FOXP1: variants seen among roughly 807,000 people sequenced by gnomAD.
The protein encoded by FOXP1 is forkhead box protein P1.
A neutral mutation model predicts 98.2 loss-of-function variants in FOXP1; 15 were observed. That is an observed-to-expected ratio of 0.15 (90% CI 0.10 to 0.24). FOXP1 has a LOEUF of 0.24. Among genes scored for constraint, FOXP1 ranks in the 10% least tolerant of loss-of-function variants. The pLI is 1.00. For missense variants in FOXP1, 633 were observed against 848.5 expected, an observed-to-expected ratio of 0.75 and a Z score of 3.15; for synonymous variants, 371 against 314.5, an observed-to-expected ratio of 1.18 and a Z score of -1.90.
At chr3:71,157,694 G>A (rs917202673) in intron 6 of FOXP1, among the ~76,000 whole-genome samples, 7 of 152,080 alleles carry the variant, frequency 4.6e-5, no homozygotes, top group African/African-American at 1.7e-4. Flanking sequence ...TTCTTTTCTG[G>A]CCTTTCATGA....
Position 71,301,722 on chromosome 3 carries a change from T to A in FOXP1, c.-72-1842A>T, listed in dbSNP as rs182144337. On this transcript the variant is annotated intron_variant, in intron 4 of 20. Coordinates refer to ENST00000649528, the MANE Select transcript of FOXP1 (RefSeq NM_001349338.3). ...GGACCTCATTAAAATTTAATTTTTT[T>A]AAAAAACTGCTGAAAATGCCTCCTT... is the stretch of plus-strand genomic sequence containing the variant. Among the ~76,000 whole-genome samples, 327 of 152,282 alleles carry A rather than the reference T, an allele frequency of 2.1e-3. 2 individuals carry two copies. Among genetic ancestry groups the A allele is most frequent in the African/African-American group, 6.5e-3 (269 of 41,544 alleles).
At position 71,091,519 on chromosome 3, in the gene FOXP1, C is replaced by CA. The variant is rs199911557; in HGVS notation, c.282+21016dup. Among the ~76,000 whole-genome samples, 19 of 142,900 alleles carry CA rather than the reference C, an allele frequency of 1.3e-4. No individual in the cohort carries two copies. In the East Asian group the frequency reaches 1.4e-3, roughly 10 times the overall value. 93.7% of individuals were successfully genotyped at this position (142,900 alleles called of 152,430 possible). ...CAAAACAAAACAAAACAAAACAAAA[C>CA]AAACAAACAAAAAAAAAACTGAGCT... On this transcript the variant is annotated intron_variant, in intron 7 of 20. Transcript: ENST00000649528.
intron 2 of FOXP1, among the ~76,000 whole-genome samples, chr3:71,579,877 T>TA (rs933430015): frequency 3.2e-4 from 49 of 151,934 alleles, no homozygotes; most frequent in Middle Eastern, 3.4e-3. Flanking sequence ...AAGGATACAT[T>TA]AAAAAAAATA....
chr3:71,278,189 T>TAA (rs2071118223), intron 5 of FOXP1, among the ~76,000 whole-genome samples: 1 of 152,194 alleles, frequency 6.6e-6, no homozygotes, highest in African/African-American at 2.4e-5. Flanking sequence ...ATAAAGGCAT[T>TAA]AAGCAGGGCC....
intron 10 of FOXP1, among the ~76,000 whole-genome samples, chr3:71,045,571 T>C (rs1217288954): frequency 1.3e-5 from 2 of 152,166 alleles, no homozygotes; most frequent in Non-Finnish European, 2.9e-5. Context: ...CTTTTCTCCT[T>C]GTATTGCTCA....
chr3:71,347,094 G>A (rs146151335), intron 4 of FOXP1, among the ~76,000 whole-genome samples: 156 of 152,256 alleles, frequency 1.0e-3, no homozygotes, highest in South Asian at 2.7e-3. Flanking sequence ...GTCCCAGACC[G>A]CATCTTTCTC....
chr3:70,965,041 T>C (rs894627373), intron 20 of FOXP1, among the ~76,000 whole-genome samples: 1 of 152,162 alleles, frequency 6.6e-6, no homozygotes. Context: ...AAACACGAAA[T>C]GGGTTAGTAC....
chr3:71,104,138 T>A (rs566061037), intron 7 of FOXP1, among the ~76,000 whole-genome samples: 1 of 152,180 alleles, frequency 6.6e-6, no homozygotes, highest in South Asian at 2.1e-4. Flanking sequence ...TCGTCTATAC[T>A]CCCATTGCAC....
intron 2 of FOXP1, among the ~76,000 whole-genome samples, chr3:71,518,694 A>AGAGGCCT (rs2042755743): frequency 6.6e-6 from 1 of 152,242 alleles, no homozygotes; most frequent in African/African-American, 2.4e-5. Context: ...TGCTTGCAAG[A>AGAGGCCT]GAGGCCTTGT....
At chr3:71,512,053 T>G (rs954997971) in intron 2 of FOXP1, among the ~76,000 whole-genome samples, 1 of 152,180 alleles carries the variant, frequency 6.6e-6, no homozygotes, top group Admixed American at 6.5e-5. Context: ...ATTTTCCCAT[T>G]TGGTTCCTCA....
chr3:71,536,139 C>T lies in FOXP1; in HGVS notation c.-297-42584G>A, dbSNP rs1202043452. Among the ~76,000 whole-genome samples, 3 of 152,104 alleles carry T rather than the reference C, an allele frequency of 2.0e-5. No individual in the cohort carries two copies. In the East Asian group the frequency reaches 5.8e-4, roughly 29 times the overall value. On this transcript the variant is annotated intron_variant, in intron 2 of 20. Coordinates refer to ENST00000649528, the MANE Select transcript of FOXP1 (RefSeq NM_001349338.3). The stretch of plus-strand genomic sequence containing the variant: ...ACACAGAGAGAAGGTGCCTCATGTC[C>T]TGAAGGATTCCAGTTTTCAATTTCA...
At chr3:70,962,928 A>G (rs892658932) in intron 20 of FOXP1, among the ~76,000 whole-genome samples, 1 of 152,226 alleles carries the variant, frequency 6.6e-6, no homozygotes, top group Non-Finnish European at 1.5e-5. Flanking sequence ...CCCACAAAAC[A>G]CAGTTCACAA....
intron 14 of FOXP1, among the ~76,000 whole-genome samples, chr3:70,984,938 G>A (rs940433868): frequency 3.9e-5 from 6 of 152,148 alleles, no homozygotes; most frequent in Non-Finnish European, 7.4e-5. Flanking sequence ...ATCTAAGAAC[G>A]TTTTAGCAGT....
chr3:70,984,764 A>G (rs958993444), intron 14 of FOXP1, among the ~76,000 whole-genome samples: 1 of 152,120 alleles, frequency 6.6e-6, no homozygotes, highest in African/African-American at 2.4e-5. Context: ...GAGGGATGGG[A>G]AGCCCGTGAG....
intron 11 of FOXP1, among the ~76,000 whole-genome samples, chr3:71,035,128 G>T (rs1003333045): frequency 6.6e-6 from 1 of 152,174 alleles, no homozygotes; most frequent in Non-Finnish European, 1.5e-5. Context: ...TCTGGGGCAG[G>T]GCCAGAGACT....
At chr3:70,970,921 C>G (rs2036095566) in intron 18 of FOXP1, 116 bp from the exon 19 acceptor site, 1 of 794,092 alleles carries the variant, frequency 1.3e-6, no homozygotes, top group Non-Finnish European at 2.2e-6. Flanking sequence ...CCCCCACTAG[C>G]AAAACCCAAG....
Position 71,198,343 on chromosome 3 carries a change from A to G in FOXP1, c.39T>C (p.Gly13=). The change falls in exon 6 of 21, where the codon GGT becomes GGC. Residue 13 remains glycine, a synonymous_variant. Transcript: ENST00000649528. ...QESGTETKSN[G]SAIQNGSGGS... The stretch of plus-strand genomic sequence containing the variant: ...CGCCCGACCCATTCTGGATGGCTGA[A>G]CCGTTACTTTTTGTCTCAGTCCCAG... 6.5e-7 allele frequency: 1 copy of G among 1,544,906 alleles called. No homozygotes were observed. Among genetic ancestry groups the G allele is most frequent in the African/African-American group, 1.4e-5 (1 of 70,466 alleles).
At chr3:70,990,786 A>G (rs2107522454) in intron 13 of FOXP1, among the ~76,000 whole-genome samples, 1 of 152,326 alleles carries the variant, frequency 6.6e-6, no homozygotes, top group Non-Finnish European at 1.5e-5. Context: ...ATTTTAATCT[A>G]CTGAATTTGT....
intron 2 of FOXP1, among the ~76,000 whole-genome samples, chr3:71,508,261 T>C (rs1176762373): frequency 6.6e-6 from 1 of 152,212 alleles, no homozygotes; most frequent in Non-Finnish European, 1.5e-5. Context: ...TTTGATTTGG[T>C]TTTTAGATTC....
Sources: allele counts gnomAD v4.1 joint callset (sites outside exome capture counted in the v4.1 genomes callset), GRCh38; gene constraint gnomAD v4.1.1; transcripts MANE v1.5; gene names NCBI Gene and HGNC (gene_info 2026-07-23, HGNC 2026-07-21).